The following SPRED2 variants were observed in gnomAD, a reference collection of about 807,000 sequenced individuals.
SPRED2 encodes the protein sprouty related EVH1 domain containing 2.
Under a neutral mutation model 43.0 loss-of-function variants are expected in SPRED2, and 47 were observed. That is an observed-to-expected ratio of 1.09 (90% CI 0.87 to 1.40). SPRED2 has a LOEUF of 1.40. Ranked by LOEUF, SPRED2 falls within the 40% of genes most tolerant of loss-of-function variation. The pLI is 0.00. For missense variants in SPRED2, 561 were observed against 586.4 expected (o/e 0.96, Z 0.45); for synonymous variants, 225 against 225.7 (o/e 1.00, Z 0.03).
At chr2:65,370,891 C>T (rs1415636416) in intron 1 of SPRED2, among the ~76,000 whole-genome samples, 8 of 152,164 alleles carry the variant, frequency 5.3e-5, no homozygotes. Flanking sequence ...CCCGAAGTCA[C>T]ATTTGTGCAT....
At chr2:65,355,437 C>T (rs1674620604) in intron 1 of SPRED2, among the ~76,000 whole-genome samples, 1 of 152,084 alleles carries the variant, frequency 6.6e-6, no homozygotes, top group Admixed American at 6.5e-5. Flanking sequence ...AAATTTATGG[C>T]CAAGTGTGGT....
At chr2:65,327,461 T>A (rs1289612948) in intron 4 of SPRED2, among the ~76,000 whole-genome samples, 3 of 152,176 alleles carry the variant, frequency 2.0e-5, no homozygotes, top group African/African-American at 7.2e-5. Flanking sequence ...CTTAGACATT[T>A]AATTAATTTA....
intron 1 of SPRED2, among the ~76,000 whole-genome samples, chr2:65,374,668 A>G (rs1457026112): frequency 1.3e-5 from 2 of 152,242 alleles, no homozygotes; most frequent in Non-Finnish European, 2.9e-5. Flanking sequence ...TAAATACTTG[A>G]AAATTCTTCC....
At chr2:65,324,479 C>T (rs1215153106) in intron 4 of SPRED2, among the ~76,000 whole-genome samples, 2 of 152,152 alleles carry the variant, frequency 1.3e-5, no homozygotes, top group African/African-American at 4.8e-5. Flanking sequence ...ACTAACAGGG[C>T]AACACCTCAG....
In SPRED2 at chr2:65,311,823, C is replaced by T; in HGVS notation, c.*1678G>A. On this transcript the variant is annotated 3_prime_UTR_variant, in exon 6 of 6. Coordinates refer to ENST00000356388, the MANE Select transcript of SPRED2 (RefSeq NM_181784.3). ...GAGCTTGTGGACGAGCTGGAAACAG[C>T]CCCATGAAGGTGAGCACAGCTAGCA... is the stretch of plus-strand genomic sequence containing the variant. The T allele has an allele frequency of 1.0e-6, 1 of 985,476 alleles. No individual in the cohort carries two copies. The highest frequency in any genetic ancestry group is 1.2e-6 in the Non-Finnish European group (1 of 829,968). The allele number at this position is 985,476 out of a possible 1,614,324, so 61.0% of individuals were successfully genotyped here. A position where few individuals can be genotyped will look rare whatever the true frequency, so the allele number is the denominator to read the frequency against.
rs1158522442 is a variant in SPRED2 at position 65,423,770 on chromosome 2, TG to T, written c.26+8191del. On this transcript the variant is annotated intron_variant, in intron 1 of 5. Coordinates refer to ENST00000356388, the MANE Select transcript of SPRED2 (RefSeq NM_181784.3). Reference sequence around the variant, plus strand: ...TGTTTTACCAAGGCTACCTCATTTATGCTTTTTTTTTTTTTTCTTTGAGATG... The same window carrying T: ...TGTTTTACCAAGGCTACCTCATTTATCTTTTTTTTTTTTTTCTTTGAGATG... 1.2e-4 allele frequency among the ~76,000 whole-genome samples: 10 copies of T among 84,954 alleles called. No individual in the cohort carries two copies. The East Asian group carries it at 3.0e-3, about 25-fold the overall frequency. 55.7% of individuals were successfully genotyped at this position (84,954 alleles called of 152,430 possible). A position where few individuals can be genotyped will look rare whatever the true frequency, so the allele number is the denominator to read the frequency against.
chr2:65,408,213 C>T (rs1676069905), intron 1 of SPRED2, among the ~76,000 whole-genome samples: 1 of 152,222 alleles, frequency 6.6e-6, no homozygotes, highest in African/African-American at 2.4e-5. Flanking sequence ...GTAATGATCA[C>T]CCGGCATGTA....
At chr2:65,334,173 T>G (rs1474711716) in intron 3 of SPRED2, 2 of 471,154 alleles carry the variant, frequency 4.2e-6, no homozygotes, top group Non-Finnish European at 8.8e-6. Context: ...CCTTTCCTTT[T>G]CAGTGGCAGC....
At position 65,344,129 on chromosome 2, in the gene SPRED2, T is replaced by G. The variant is rs550296882; in HGVS notation, c.204+590A>C. On this transcript the variant is annotated intron_variant, in intron 2 of 5. Coordinates refer to ENST00000356388, the MANE Select transcript of SPRED2 (RefSeq NM_181784.3). ...TCCAGCCTAGGTGACAGAGCGAGAC[T>G]CCGTCTCAAAAAAAAAAAAAAAAAA... 9.4e-5 allele frequency: 11 copies of G among 117,102 alleles called. No individual in the cohort carries two copies. The South Asian group carries it at 2.3e-3, about 25-fold the overall frequency. The allele number at this position is 117,102 out of a possible 1,614,324, so 7.3% of individuals were successfully genotyped here. A position where few individuals can be genotyped will look rare whatever the true frequency, so the allele number is the denominator to read the frequency against.
intron 4 of SPRED2, among the ~76,000 whole-genome samples, chr2:65,322,021 C>T (rs999296679): frequency 4.0e-5 from 6 of 151,478 alleles, no homozygotes; most frequent in Non-Finnish European, 7.4e-5. Flanking sequence ...GCAATCTGCC[C>T]ACCTTGTCCT....
chr2:65,368,810 A>G (rs1675047719), intron 1 of SPRED2, among the ~76,000 whole-genome samples: 1 of 152,236 alleles, frequency 6.6e-6, no homozygotes, highest in South Asian at 2.1e-4. Flanking sequence ...TATTGGGTGC[A>G]GTGGCTCATG....
At chr2:65,412,681 C>T (rs962520803) in intron 1 of SPRED2, among the ~76,000 whole-genome samples, 3 of 152,112 alleles carry the variant, frequency 2.0e-5, no homozygotes, top group Admixed American at 6.6e-5. Context: ...AGACCCCCCA[C>T]CCCAAGAGGA....
In SPRED2 at chr2:65,349,680, A is replaced by G. The variant is rs571584329; in HGVS notation, c.27-4784T>C. Among the ~76,000 whole-genome samples the G allele has an allele frequency of 3.3e-5, 5 of 152,352 alleles. No homozygotes were observed. The East Asian group carries it at 7.7e-4, about 24-fold the overall frequency. On this transcript the variant is annotated intron_variant, in intron 1 of 5. Transcript: ENST00000356388. ...TGCATTACTTATGTTAGTGCCATAAACTTATTTCCAAAAAGTACCCATTTG... is the reference window on the plus strand; with the variant it reads ...TGCATTACTTATGTTAGTGCCATAAGCTTATTTCCAAAAAGTACCCATTTG...
At position 65,313,650 on chromosome 2, in the gene SPRED2, T is replaced by C. The variant is rs1436921677; in HGVS notation, c.1108A>G (p.Ser370Gly). 3.1e-6 allele frequency: 5 copies of C among 1,614,062 alleles called. No individual in the cohort carries two copies. In the African/African-American group the frequency reaches 6.7e-5, roughly 22 times the overall value. Residue 370 changes from serine (S) to glycine (G), a missense_variant, in exon 6 of 6, where the codon AGC becomes GGC. Around this residue, in one of 6 missense-constraint regions of SPRED2, gnomAD observed 65 missense variants for 60.2 expected, o/e 1.08. Coordinates refer to ENST00000356388, the MANE Select transcript of SPRED2 (RefSeq NM_181784.3). ...CACCGGAGGCAAAACTTCTCGTCGC[T>C]AGTATCGCACGAGCAAGGGTCTGTA... is the stretch of plus-strand genomic sequence containing the variant. ...DYTDPCSCDT[S>G]DEKFCLRWMA...
At chr2:65,420,499 G>C (rs268125) in intron 1 of SPRED2, among the ~76,000 whole-genome samples, 146,396 of 152,366 alleles carry the variant, frequency 0.96, 70,356 homozygotes, top group East Asian at 1. Context: ...AGAATTATCT[G>C]TAAAGAGTAA....
At chr2:65,431,370 C>A (rs12993940) in intron 1 of SPRED2, among the ~76,000 whole-genome samples, 1 of 151,716 alleles carries the variant, frequency 6.6e-6, no homozygotes, top group Non-Finnish European at 1.5e-5. Flanking sequence ...CCTCGGGCGG[C>A]TCCAGCACGC....
intron 1 of SPRED2, among the ~76,000 whole-genome samples, chr2:65,389,578 A>G (rs562631702): frequency 1.3e-4 from 20 of 152,364 alleles, no homozygotes; most frequent in African/African-American, 4.8e-4. Context: ...AAGCAAAAAC[A>G]TCACCCATAG....
downstream of SPRED2, chr2:65,308,557 T>C (rs1672987766): frequency 4.1e-6 from 4 of 985,456 alleles, no homozygotes; most frequent in Non-Finnish European, 4.8e-6. Context: ...CTCGAGTTCC[T>C]GATGTTTCCT....
intron 3 of SPRED2, 124 bp downstream of exon 3, chr2:65,334,481 T>C (rs1303212149): frequency 8.4e-7 from 1 of 1,188,066 alleles, no homozygotes. Flanking sequence ...TTTTGGCATC[T>C]ACTGACCTGG....
Sources: allele counts gnomAD v4.1 joint callset (sites outside exome capture counted in the v4.1 genomes callset), GRCh38; gene constraint gnomAD v4.1.1; regional missense constraint gnomAD v4.1.1; transcripts MANE v1.5; gene names NCBI Gene and HGNC (gene_info 2026-07-23, HGNC 2026-07-21).